The following RAMP1 variants were observed in gnomAD, a reference collection of about 807,000 sequenced individuals.
RAMP1 encodes receptor activity-modifying protein 1.
Under a neutral mutation model 8.2 loss-of-function variants are expected in RAMP1, and 7 were observed. The observed-to-expected ratio is 0.85, with a 90% CI of 0.49 to 1.60. The LOEUF is 1.60. Ranked by LOEUF, RAMP1 falls within the 40% of genes most tolerant of loss-of-function variation. The pLI is 0.00. For synonymous variants in RAMP1, 92 were observed against 84.7 expected (o/e 1.09, Z -0.47); for missense variants, 192 against 202.4 (o/e 0.95, Z 0.31).
At chr2:237,883,912 CTTT>C (rs34291315) in intron 2 of RAMP1, among the ~76,000 whole-genome samples, 2 of 92,984 alleles carry the variant, frequency 2.2e-5, no homozygotes, top group African/African-American at 1.1e-4. Context: ...TGTAGGTCCA[CTTT>C]TTTTTTTTTT....
Position 237,911,677 on chromosome 2 carries a change from CGCCCG to C in RAMP1, c.344_348del (p.Pro115GlnfsTer29), listed in dbSNP as rs760618762. On this transcript the variant is annotated frameshift_variant, in exon 3 of 3. Coordinates refer to ENST00000254661, the MANE Select transcript of RAMP1 (RefSeq NM_005855.4). LOFTEE classifies it high-confidence loss of function. Reference sequence around the variant, plus strand: ...ATCTCAGGCAGGGCCGTGCGGGACCCGCCCGGCAGCATCCTCTACCCCTTCATCGT... The same window carrying C: ...ATCTCAGGCAGGGCCGTGCGGGACCCGCAGCATCCTCTACCCCTTCATCGT... The C allele has an allele frequency of 1.8e-4, 290 of 1,614,000 alleles. No individual in the cohort carries two copies. The highest frequency in any genetic ancestry group is 6.6e-4 in the Middle Eastern group (4 of 6,062).
intron 2 of RAMP1, among the ~76,000 whole-genome samples, chr2:237,900,794 GT>G (rs1477697196): frequency 2.0e-5 from 3 of 151,576 alleles, no homozygotes; most frequent in African/African-American, 7.3e-5. Flanking sequence ...CTAATTTTTA[GT>G]TTTCAGTATT....
chr2:237,876,704 C>T (rs770156184), intron 1 of RAMP1, among the ~76,000 whole-genome samples: 2 of 151,996 alleles, frequency 1.3e-5, no homozygotes, highest in Non-Finnish European at 2.9e-5. Context: ...AATCCTGATT[C>T]TGTGCGGGGC....
intron 1 of RAMP1, among the ~76,000 whole-genome samples, chr2:237,872,654 G>T (rs542822101): frequency 6.6e-6 from 1 of 152,308 alleles, no homozygotes; most frequent in Admixed American, 6.5e-5. Context: ...CCACTCCTGG[G>T]CTGTGTGACT....
intron 1 of RAMP1, among the ~76,000 whole-genome samples, chr2:237,873,172 C>G (rs1190588230): frequency 6.6e-6 from 1 of 152,236 alleles, no homozygotes; most frequent in Non-Finnish European, 1.5e-5. Context: ...TAGAACCTGA[C>G]CTGCACTCTC....
chr2:237,893,127 G>A (rs758318509), intron 2 of RAMP1, among the ~76,000 whole-genome samples: 13 of 152,184 alleles, frequency 8.5e-5, no homozygotes, highest in African/African-American at 1.4e-4. Context: ...TCTTTGCAAC[G>A]TGAGTGACAG....
chr2:237,881,923 C>T (rs561212322), intron 2 of RAMP1, among the ~76,000 whole-genome samples: 2 of 151,716 alleles, frequency 1.3e-5, no homozygotes, highest in African/African-American at 2.4e-5. Context: ...CATCTTTGAT[C>T]GCCTCTGGAT....
intron 2 of RAMP1, among the ~76,000 whole-genome samples, chr2:237,885,808 C>T (rs1040052979): frequency 3.9e-5 from 6 of 152,232 alleles, no homozygotes; most frequent in Non-Finnish European, 5.9e-5. Context: ...CCCTCTGCCC[C>T]CCCTGGGTGG....
intron 2 of RAMP1, among the ~76,000 whole-genome samples, chr2:237,893,280 T>A (rs1412084572): frequency 1.3e-5 from 2 of 152,222 alleles, no homozygotes; most frequent in African/African-American, 4.8e-5. Flanking sequence ...AAATCTGACC[T>A]CCTCCTTCCT....
At position 237,882,031 on chromosome 2, in the gene RAMP1, C is replaced by A. The variant is rs1380292851; in HGVS notation, c.191+4669C>A. On this transcript the variant is annotated intron_variant, in intron 2 of 2. Transcript: ENST00000254661. ...GTGGTCCCACTGGTTCCATCGAAATCCTTGGCCCATCGGAGTTTATTCCAG... is the reference window on the plus strand; with the variant it reads ...GTGGTCCCACTGGTTCCATCGAAATACTTGGCCCATCGGAGTTTATTCCAG... 2.6e-5 allele frequency among the ~76,000 whole-genome samples: 4 copies of A among 152,194 alleles called. No individual in the cohort carries two copies. The South Asian group carries it at 6.2e-4, about 24-fold the overall frequency.
At chr2:237,875,152 G>C (rs1159455449) in intron 1 of RAMP1, among the ~76,000 whole-genome samples, 1 of 152,066 alleles carries the variant, frequency 6.6e-6, no homozygotes, top group Non-Finnish European at 1.5e-5. Flanking sequence ...TCCACAGTAG[G>C]TGGGCTTTCC....
Position 237,898,294 on chromosome 2 carries a change from C to A in RAMP1, c.192-13234C>A, listed in dbSNP as rs1192167249. On this transcript the variant is annotated intron_variant, in intron 2 of 2. Transcript: ENST00000254661. ...GACACTTATTTCAAAGCATTCCTGT[C>A]TCAGCAATGCAGTAGGTCAAATGTG... Among the ~76,000 whole-genome samples, 3 of 152,228 alleles carry A rather than the reference C, an allele frequency of 2.0e-5. No individual in the cohort carries two copies. The East Asian group carries it at 5.8e-4, about 29-fold the overall frequency.
chr2:237,864,325 C>T (rs1475317461), intron 1 of RAMP1, among the ~76,000 whole-genome samples: 1 of 140,164 alleles, frequency 7.1e-6, no homozygotes, highest in Non-Finnish European at 1.5e-5. Flanking sequence ...CGCGTGTTTG[C>T]TTCGTAAGGC....
At chr2:237,908,192 C>A (rs1034067610) in intron 2 of RAMP1, among the ~76,000 whole-genome samples, 1 of 152,198 alleles carries the variant, frequency 6.6e-6, no homozygotes, top group African/African-American at 2.4e-5. Flanking sequence ...ATGGATCTTA[C>A]CCCACTTTCT....
At chr2:237,905,942 C>T (rs571353136) in intron 2 of RAMP1, among the ~76,000 whole-genome samples, 18 of 143,932 alleles carry the variant, frequency 1.3e-4, no homozygotes, top group Non-Finnish European at 2.4e-4. Flanking sequence ...ACCTGGGAAG[C>T]GGAGGTTGCA....
At position 237,878,601 on chromosome 2, in the gene RAMP1, A is replaced by G. The variant is rs898883159; in HGVS notation, c.191+1239A>G. On this transcript the variant is annotated intron_variant, in intron 2 of 2. Coordinates refer to ENST00000254661, the MANE Select transcript of RAMP1 (RefSeq NM_005855.4). This position sits in a 1 kb window ranked among gnomAD's most constrained non-coding sequence, Gnocchi z 5.7. ...CCGCTGGCCACAGCCTGCCCTCTTC[A>G]GTCCTACTGAGATTGGCAGATGAGT... is the stretch of plus-strand genomic sequence containing the variant. 3.3e-5 allele frequency among the ~76,000 whole-genome samples: 5 copies of G among 152,182 alleles called. No individual in the cohort carries two copies. Among genetic ancestry groups the G allele is most frequent in the Non-Finnish European group, 5.9e-5 (4 of 68,026 alleles).
chr2:237,911,666 C>T lies in RAMP1; in HGVS notation c.330C>T (p.Ala110=), dbSNP rs753229886. The T allele has an allele frequency of 6.8e-6, 11 of 1,613,310 alleles. No homozygotes were observed. The highest frequency in any genetic ancestry group is 2.2e-5 in the South Asian group (2 of 91,064). Residue 110 remains alanine (A), a synonymous_variant, in exon 3 of 3, where the codon GCC becomes GCT. Transcript: ENST00000254661. ...GGAGCTGCCCCATCTCAGGCAGGGC[C>T]GTGCGGGACCCGCCCGGCAGCATCC... ...YFRSCPISGR[A]VRDPPGSILY... is the part of the protein sequence containing the mutation.
intron 2 of RAMP1, among the ~76,000 whole-genome samples, chr2:237,900,245 T>C (rs1244758663): frequency 1.3e-5 from 2 of 152,222 alleles, no homozygotes; most frequent in Non-Finnish European, 2.9e-5. Flanking sequence ...CTGCAACCTC[T>C]GCCTCCTGGG....
intron 2 of RAMP1, among the ~76,000 whole-genome samples, chr2:237,910,168 G>T (rs976442038): frequency 6.6e-6 from 1 of 151,024 alleles, no homozygotes; most frequent in African/African-American, 2.4e-5. Context: ...ACAGTCACAC[G>T]TGCACACACA....
Sources: allele counts gnomAD v4.1 joint callset (sites outside exome capture counted in the v4.1 genomes callset), GRCh38; gene constraint gnomAD v4.1.1; non-coding constraint Gnocchi (gnomAD v3.1); transcripts MANE v1.5; gene names NCBI Gene and HGNC (gene_info 2026-07-23, HGNC 2026-07-21).